The following EGFLAM variants were observed in gnomAD, a reference collection of about 807,000 sequenced individuals.
EGFLAM encodes pikachurin.
EGFLAM carries 79 observed loss-of-function variants against 113.1 expected under a neutral mutation model. The observed-to-expected ratio is 0.70, with a 90% CI of 0.58 to 0.84. The LOEUF (loss-of-function observed/expected upper bound fraction) is 0.84. Among genes scored for constraint, EGFLAM ranks in the 40% least tolerant of loss-of-function variants. The pLI is 0.00. For synonymous variants in EGFLAM, 504 were observed against 487.6 expected (o/e 1.03, Z -0.44); for missense variants, 1,265 against 1,291.6 (o/e 0.98, Z 0.32).
chr5:38,293,005 G>A (rs1282461632), intron 1 of EGFLAM, among the ~76,000 whole-genome samples: 1 of 152,186 alleles, frequency 6.6e-6, no homozygotes, highest in Non-Finnish European at 1.5e-5. Flanking sequence ...CTGTTTGTTT[G>A]TTTTTAGGTT....
At chr5:38,413,040 G>A (rs1419888393) in intron 11 of EGFLAM, among the ~76,000 whole-genome samples, 1 of 151,980 alleles carries the variant, frequency 6.6e-6, no homozygotes, top group African/African-American at 2.4e-5. Context: ...TTATTACTTG[G>A]AGGCAGGGTC....
At chr5:38,328,723 G>GTTTTTTTTTTTTTTTTTTTTTTTTAATTT (rs3077265) in intron 1 of EGFLAM, among the ~76,000 whole-genome samples, 2 of 103,026 alleles carry the variant, frequency 1.9e-5, no homozygotes, top group Non-Finnish European at 1.9e-5. Flanking sequence ...AGCTATACTT[G>GTTTTTTTTTTTTTTTTTTTTTTTTAATTT]TTTTTTTTTT....
intron 18 of EGFLAM, 78 bp from the exon 19 acceptor site, chr5:38,451,237 C>G: frequency 6.4e-7 from 1 of 1,566,258 alleles, no homozygotes; most frequent in Non-Finnish European, 8.7e-7. Flanking sequence ...TTCCTCAGGG[C>G]TGGCAGACAA....
rs182940540 is a variant in EGFLAM, at chr5:38,315,140, G to C, written c.98-22380G>C. 9.3e-4 allele frequency among the ~76,000 whole-genome samples: 142 copies of C among 152,234 alleles called. 2 individuals are homozygous for C. The highest frequency in any genetic ancestry group is 3.3e-3 in the African/African-American group (137 of 41,558). On this transcript the variant is annotated intron_variant, in intron 1 of 21. Transcript: ENST00000322350. ...AAGAAGGTGCATCCAGGATGATTTA[G>C]CTTTGCACTTTTTTCAAGTCTTATT...
chr5:38,365,815 G>C (rs1013405809), intron 5 of EGFLAM, among the ~76,000 whole-genome samples: 1 of 152,040 alleles, frequency 6.6e-6, no homozygotes, highest in Non-Finnish European at 1.5e-5. Context: ...TACTTACTGT[G>C]AGTCAAGGTC....
chr5:38,259,023 G>T lies in EGFLAM; in HGVS notation c.97+172G>T, dbSNP rs547967045. Among the ~76,000 whole-genome samples the T allele has an allele frequency of 4.6e-5, 7 of 152,306 alleles. No homozygotes were observed. In the East Asian group the frequency reaches 1.4e-3, roughly 29 times the overall value. On this transcript the variant is annotated intron_variant, in intron 1 of 21. Coordinates refer to ENST00000322350, the MANE Select transcript of EGFLAM (RefSeq NM_152403.4). ...AGACGCAAACCTCGCCCTCCCCCGA[G>T]CCCGGGCGGCGCTAGGGATATTTAT...
At chr5:38,317,746 C>T (rs967130723) in intron 1 of EGFLAM, among the ~76,000 whole-genome samples, 2 of 152,288 alleles carry the variant, frequency 1.3e-5, no homozygotes, top group East Asian at 3.9e-4. Flanking sequence ...CTTCTTCTAA[C>T]CCAATGGCTT....
intron 11 of EGFLAM, among the ~76,000 whole-genome samples, chr5:38,416,660 T>C (rs1741652324): frequency 6.6e-6 from 1 of 152,188 alleles, no homozygotes; most frequent in Non-Finnish European, 1.5e-5. Context: ...CTGTCAGGCC[T>C]TCTGCTGTGG....
intron 5 of EGFLAM, among the ~76,000 whole-genome samples, chr5:38,360,622 G>C (rs984929192): frequency 2.6e-5 from 4 of 152,110 alleles, no homozygotes; most frequent in Non-Finnish European, 4.4e-5. Context: ...TCAGACAACA[G>C]AATGGGGATA....
chr5:38,344,483 CAAAA>C (rs10577346), intron 3 of EGFLAM, among the ~76,000 whole-genome samples: 42 of 139,026 alleles, frequency 3.0e-4, no homozygotes, highest in Admixed American at 4.3e-4. Flanking sequence ...AACTCTGTTT[CAAAA>C]AAAAAAAAAA....
intron 11 of EGFLAM, 80 bp downstream of exon 11, chr5:38,412,728 C>G: frequency 6.5e-7 from 1 of 1,528,730 alleles, no homozygotes; most frequent in Non-Finnish European, 8.7e-7. Context: ...TGCAGAGAGC[C>G]GTGGCAGAGT....
intron 12 of EGFLAM, among the ~76,000 whole-genome samples, chr5:38,423,445 C>A (rs953146572): frequency 6.6e-6 from 1 of 152,206 alleles, no homozygotes; most frequent in Non-Finnish European, 1.5e-5. Flanking sequence ...CCCCTACCCC[C>A]ACCTCTTAAA....
At position 38,465,241 on chromosome 5, in the gene EGFLAM, A is replaced by C. The variant is rs1743430901; in HGVS notation, c.*1255A>C. Among the ~76,000 whole-genome samples, 1 of 152,172 alleles carries C rather than the reference A, an allele frequency of 6.6e-6. No individual in the cohort carries two copies. Among genetic ancestry groups the C allele is most frequent in the Non-Finnish European group, 1.5e-5 (1 of 68,034 alleles). On this transcript the variant is annotated 3_prime_UTR_variant, in exon 22 of 22. Coordinates refer to ENST00000322350, the MANE Select transcript of EGFLAM (RefSeq NM_152403.4). ...ACTATGCAAGCACATGACCCCAGAG[A>C]CAGCTGGTTCACTGGCAGATCCCCA...
intron 1 of EGFLAM, among the ~76,000 whole-genome samples, chr5:38,322,842 T>C (rs1232818239): frequency 6.6e-6 from 1 of 152,192 alleles, no homozygotes; most frequent in Non-Finnish European, 1.5e-5. Context: ...TCTGGAAAAC[T>C]CTTCCTGCTG....
intron 1 of EGFLAM, among the ~76,000 whole-genome samples, chr5:38,260,642 G>A (rs1268006951): frequency 6.6e-6 from 1 of 152,182 alleles, no homozygotes; most frequent in South Asian, 2.1e-4. Context: ...TCAAATTTGA[G>A]ATAGAAGTGT....
At chr5:38,427,295 A>T in intron 14 of EGFLAM, 43 bp downstream of exon 14, 1 of 1,597,316 alleles carries the variant, frequency 6.3e-7, no homozygotes, top group South Asian at 1.1e-5. Flanking sequence ...TTAAAAAGGC[A>T]AATAGTAACT....
rs1743345708 is a variant in EGFLAM at position 38,463,095 on chromosome 5, C to T, written c.2875+84C>T. ...CCATTTGCTGTGCCGAGGCTATGTACTTTGCTGGATCAAATACCTGTAAAT... is the reference window on the plus strand; with the variant it reads ...CCATTTGCTGTGCCGAGGCTATGTATTTTGCTGGATCAAATACCTGTAAAT... On this transcript the variant is annotated intron_variant, in intron 21 of 21. Coordinates refer to ENST00000322350, the MANE Select transcript of EGFLAM (RefSeq NM_152403.4). 5.9e-6 allele frequency: 8 copies of T among 1,345,960 alleles called. No individual in the cohort carries two copies. The South Asian group carries it at 1.1e-4, about 18-fold the overall frequency. 83.4% of individuals were successfully genotyped at this position (1,345,960 alleles called of 1,614,324 possible). A position where few individuals can be genotyped will look rare whatever the true frequency, so the allele number is the denominator to read the frequency against.
chr5:38,412,108 A>C (rs1001672731), intron 10 of EGFLAM, among the ~76,000 whole-genome samples: 32 of 152,178 alleles, frequency 2.1e-4, no homozygotes, highest in Non-Finnish European at 4.1e-4. Context: ...CCTAATGTCA[A>C]CTTTGATTTT....
chr5:38,397,825 A>G (rs192346623), intron 6 of EGFLAM, among the ~76,000 whole-genome samples: 20 of 152,288 alleles, frequency 1.3e-4, no homozygotes, highest in African/African-American at 4.8e-4. Flanking sequence ...AAAATCCAGT[A>G]TTTAGCTTCT....
Sources: allele counts gnomAD v4.1 joint callset (sites outside exome capture counted in the v4.1 genomes callset), GRCh38; gene constraint gnomAD v4.1.1; transcripts MANE v1.5; gene names NCBI Gene and HGNC (gene_info 2026-07-23, HGNC 2026-07-21).